The following CNTNAP2 variants were observed in gnomAD, a reference collection of about 807,000 sequenced individuals.
The protein encoded by CNTNAP2 is contactin associated protein 2.
CNTNAP2 carries 98 observed loss-of-function variants against 155.2 expected under a neutral mutation model. That is an observed-to-expected ratio of 0.63 (90% CI 0.54 to 0.75). The LOEUF is 0.75. Among genes scored for constraint, CNTNAP2 ranks in the 30% least tolerant of loss-of-function variants. CNTNAP2 has a pLI of 0.00. For synonymous variants in CNTNAP2, 651 were observed against 631.2 expected, an observed-to-expected ratio of 1.03 and a Z score of -0.47; for missense variants, 1,727 against 1,688.1, an observed-to-expected ratio of 1.02 and a Z score of -0.40.
intron 1 of CNTNAP2, among the ~76,000 whole-genome samples, chr7:146,223,776 A>C (rs1343286303): frequency 6.6e-6 from 1 of 152,230 alleles, no homozygotes; most frequent in Non-Finnish European, 1.5e-5. Context: ...TCCACACCAA[A>C]GTATTATTAT....
chr7:147,654,872 G>A (rs564212422), intron 13 of CNTNAP2, among the ~76,000 whole-genome samples: 20 of 135,882 alleles, frequency 1.5e-4, no homozygotes, highest in African/African-American at 5.3e-4. Flanking sequence ...GGAGTGCAGT[G>A]GTGTGATCTT....
intron 8 of CNTNAP2, among the ~76,000 whole-genome samples, chr7:147,152,522 G>T (rs934634210): frequency 6.6e-6 from 1 of 151,984 alleles, no homozygotes; most frequent in Non-Finnish European, 1.5e-5. Context: ...GCTCTTACAA[G>T]TATTAGACTT....
intron 1 of CNTNAP2, among the ~76,000 whole-genome samples, chr7:146,277,262 G>A (rs527658679): frequency 1.3e-3 from 191 of 152,278 alleles, no homozygotes; most frequent in African/African-American, 4.4e-3. Flanking sequence ...TTTCAGAACT[G>A]TCAGAGAATA....
At chr7:147,410,435 G>T (rs1797083745) in intron 10 of CNTNAP2, among the ~76,000 whole-genome samples, 2 of 152,102 alleles carry the variant, frequency 1.3e-5, no homozygotes, top group African/African-American at 4.8e-5. Flanking sequence ...AATAACTAAT[G>T]GGTACTAGGC....
chr7:146,442,017 C>T (rs948938983), intron 1 of CNTNAP2, among the ~76,000 whole-genome samples: 3 of 151,666 alleles, frequency 2.0e-5, no homozygotes, highest in Non-Finnish European at 4.4e-5. Context: ...ATTATTTACT[C>T]TTCTGAAATT....
intron 1 of CNTNAP2, among the ~76,000 whole-genome samples, chr7:146,657,951 T>G (rs73166331): frequency 6.6e-6 from 1 of 152,170 alleles, no homozygotes; most frequent in Non-Finnish European, 1.5e-5. Context: ...ATCCTAAAAA[T>G]AAATTTCAGC....
intron 12 of CNTNAP2, among the ~76,000 whole-genome samples, chr7:147,580,731 T>G (rs1369476078): frequency 6.6e-6 from 1 of 152,076 alleles, no homozygotes; most frequent in Non-Finnish European, 1.5e-5. Context: ...TTCTCCTGCT[T>G]CAGCCTCCTG....
chr7:147,104,204 C>G (rs148014431), intron 4 of CNTNAP2, among the ~76,000 whole-genome samples: 1 of 152,020 alleles, frequency 6.6e-6, no homozygotes, highest in Non-Finnish European at 1.5e-5. Context: ...TTCTCTAAAT[C>G]TAAAATTTTT....
chr7:147,415,988 A>G (rs1312282050), intron 10 of CNTNAP2, among the ~76,000 whole-genome samples: 1 of 152,224 alleles, frequency 6.6e-6, no homozygotes, highest in Non-Finnish European at 1.5e-5. Context: ...CTGCATTAAA[A>G]TATCTGAGCT....
rs1801459710 is a variant in CNTNAP2 at position 147,977,973 on chromosome 7, G to A, written c.2367G>A (p.Leu789=). Residue 789 remains leucine, a synonymous_variant, in exon 15 of 24, where the codon CTG becomes CTA. Coordinates refer to ENST00000361727, the MANE Select transcript of CNTNAP2 (RefSeq NM_014141.6). Reference sequence around the variant, plus strand: ...AAGCCAAATTGAGCGTAGGTCCTCTGCGCTGCCAAGGAGACAGTAAGTTTG... The same window carrying A: ...AAGCCAAATTGAGCGTAGGTCCTCTACGCTGCCAAGGAGACAGTAAGTTTG... ...GSEAKLSVGP[L]RCQGDRNYWN... 1.2e-6 allele frequency: 2 copies of A among 1,613,940 alleles called. No homozygotes were observed. The highest frequency in any genetic ancestry group is 1.7e-5 in the Admixed American group (1 of 59,990).
At chr7:146,471,956 C>A (rs1480864266) in intron 1 of CNTNAP2, among the ~76,000 whole-genome samples, 1 of 152,140 alleles carries the variant, frequency 6.6e-6, no homozygotes, top group African/African-American at 2.4e-5. Flanking sequence ...TCCCAGATTT[C>A]TTAAGAATCT....
intron 13 of CNTNAP2, among the ~76,000 whole-genome samples, chr7:147,804,555 T>TTG (rs1554437090): frequency 9.5e-6 from 1 of 105,416 alleles, no homozygotes; most frequent in Non-Finnish European, 1.7e-5. Context: ...TGTTTTTTTG[T>TTG]TTGTTTGTTT....
intron 3 of CNTNAP2, among the ~76,000 whole-genome samples, chr7:146,843,641 GAGTTAA>G (rs1203053306): frequency 2.1e-5 from 3 of 143,390 alleles, no homozygotes; most frequent in Admixed American, 1.4e-4. Context: ...TATTCTAAAA[GAGTTAA>G]AGTTCGTTGA....
intron 8 of CNTNAP2, chr7:147,161,634 T>TCTC (rs1802026211): frequency 7.8e-6 from 1 of 127,688 alleles, no homozygotes; most frequent in Admixed American, 8.0e-5. Context: ...CTCTCTCTCA[T>TCTC]AGGGTACGCT....
intron 1 of CNTNAP2, among the ~76,000 whole-genome samples, chr7:146,300,410 G>A (rs1800587527): frequency 6.6e-6 from 1 of 151,614 alleles, no homozygotes; most frequent in South Asian, 2.1e-4. Context: ...ATAAATGATT[G>A]GCCCTATACT....
intron 13 of CNTNAP2, among the ~76,000 whole-genome samples, chr7:147,729,338 G>A (rs1052122894): frequency 6.6e-6 from 1 of 151,712 alleles, no homozygotes; most frequent in African/African-American, 2.4e-5. Flanking sequence ...CTAGATGTTA[G>A]AAGTCTAAAG....
chr7:148,155,785 A>G (rs1364854479), intron 17 of CNTNAP2, among the ~76,000 whole-genome samples: 4 of 152,180 alleles, frequency 2.6e-5, no homozygotes, highest in South Asian at 2.1e-4. Flanking sequence ...GAGGGGTCCT[A>G]TGTAAAGTTT....
At chr7:148,365,785 TGC>T (rs1491568122) in intron 21 of CNTNAP2, among the ~76,000 whole-genome samples, 1 of 103,860 alleles carries the variant, frequency 9.6e-6, no homozygotes, top group African/African-American at 4.1e-5. Context: ...TGTATGTGTA[TGC>T]ATGTATACAT....
At chr7:146,233,821 T>A (rs1267012351) in intron 1 of CNTNAP2, among the ~76,000 whole-genome samples, 2 of 151,694 alleles carry the variant, frequency 1.3e-5, no homozygotes. Context: ...CTGCATAGTA[T>A]TCCATGGTGT....
Sources: gnomAD v4.1 joint callset for allele counts (sites outside exome capture counted in the v4.1 genomes callset) on GRCh38, gnomAD v4.1.1 for gene constraint, MANE v1.5 for transcripts, NCBI Gene and HGNC (gene_info 2026-07-23, HGNC 2026-07-21) for gene names.